Variants in CBR4 observed in about 807,000 individuals in gnomAD.
CBR4 encodes the protein carbonyl reductase 4.
In CBR4, 22 loss-of-function variants were observed where a neutral mutation model predicts 21.0. The observed-to-expected ratio is 1.05, with a 90% CI of 0.75 to 1.50. The LOEUF (loss-of-function observed/expected upper bound fraction) is 1.50, where lower values mean the gene tolerates loss of function less well. Ranked by LOEUF, CBR4 falls within the 40% of genes most tolerant of loss-of-function variation. The probability of loss-of-function intolerance (pLI) is 0.00; values close to 1 mark genes in which losing one functional copy is unlikely to be tolerated. For missense variants in CBR4, 302 were observed against 286.3 expected (o/e 1.05, Z -0.40); for synonymous variants, 100 against 104.4 (o/e 0.96, Z 0.26).
exon 3 of CBR4, chr4:168,894,644 T>C (rs1382397422): frequency 6.2e-7 from 1 of 1,613,838 alleles, no homozygotes; most frequent in Non-Finnish European, 8.5e-7. Context: ...CTGTCTTTAA[T>C]ATTCAGGAGC....
chr4:168,948,979 G>C (rs1453415147), intron 2 of CBR4, among the ~76,000 whole-genome samples: 1 of 152,138 alleles, frequency 6.6e-6, no homozygotes, highest in Non-Finnish European at 1.5e-5. Flanking sequence ...TCACAATATT[G>C]ATTCTACCCT....
At chr4:169,004,863 GTAA>G (rs756440669) in intron 3 of CBR4, among the ~76,000 whole-genome samples, 9 of 152,258 alleles carry the variant, frequency 5.9e-5, no homozygotes, top group South Asian at 2.1e-4. Context: ...TAATGAATAT[GTAA>G]TAATAATTTT....
At chr4:168,905,790 C>CTTTTTTTTTTTT (rs59427697) in intron 2 of CBR4, among the ~76,000 whole-genome samples, 122 of 113,114 alleles carry the variant, frequency 1.1e-3, no homozygotes, top group Middle Eastern at 5.4e-3. Flanking sequence ...GCTTTTTTTT[C>CTTTTTTTTTTTT]TTTTTTTTTT....
intron 2 of CBR4, among the ~76,000 whole-genome samples, chr4:168,938,753 A>G (rs2126673110): frequency 6.6e-6 from 1 of 151,886 alleles, no homozygotes; most frequent in East Asian, 1.9e-4. Context: ...TCCCAAGACT[A>G]AATCAGGAAG....
intron 2 of CBR4, among the ~76,000 whole-genome samples, chr4:168,936,845 A>T (rs541583083): frequency 3.9e-5 from 6 of 152,342 alleles, no homozygotes; most frequent in Non-Finnish European, 8.8e-5. Flanking sequence ...GAATGGAACC[A>T]AGTTGGAAAA....
intron 2 of CBR4, among the ~76,000 whole-genome samples, chr4:168,943,401 T>C (rs533413755): frequency 6.6e-6 from 1 of 152,350 alleles, no homozygotes; most frequent in African/African-American, 2.4e-5. Flanking sequence ...TACAGGGTCC[T>C]TTCCACTGAA....
At chr4:168,960,800 G>A (rs1763827814) in intron 2 of CBR4, among the ~76,000 whole-genome samples, 1 of 152,216 alleles carries the variant, frequency 6.6e-6, no homozygotes, top group African/African-American at 2.4e-5. Flanking sequence ...TATGTTAGAA[G>A]AGAGAGTACC....
At chr4:169,006,977 G>A (rs1037030230) in intron 2 of CBR4, 86 bp from the exon 3 acceptor site, 1 of 1,004,484 alleles carries the variant, frequency 1.0e-6, no homozygotes, top group African/African-American at 1.6e-5. Flanking sequence ...TTTACTGAGA[G>A]TGCAAGAAGT....
chr4:168,981,723 A>T (rs759180803), intron 2 of CBR4, among the ~76,000 whole-genome samples: 11 of 152,238 alleles, frequency 7.2e-5, no homozygotes, highest in Admixed American at 2.0e-4. Context: ...TTTCAGCAGA[A>T]ACACTACAAG....
intron 4 of CBR4, among the ~76,000 whole-genome samples, chr4:168,994,270 C>T (rs1287792294): frequency 1.3e-5 from 2 of 152,212 alleles, no homozygotes; most frequent in African/African-American, 2.4e-5. Flanking sequence ...AGGCACAGAT[C>T]GCTCATGCTA....
chr4:168,926,848 G>T, intron 2 of CBR4: 1 of 221,036 alleles, frequency 4.5e-6, no homozygotes, highest in East Asian at 6.7e-5. Context: ...AGTGCAATAT[G>T]TAAGGATGAA....
At chr4:168,911,706 G>C (rs1287965847) in intron 2 of CBR4, among the ~76,000 whole-genome samples, 1 of 152,146 alleles carries the variant, frequency 6.6e-6, no homozygotes, top group African/African-American at 2.4e-5. Flanking sequence ...CCAAATGTTT[G>C]CCAAGAGTTT....
rs1231261393 is a variant in CBR4 at position 168,988,842 on chromosome 4, T to G, written c.*1308A>C. 3.1e-6 allele frequency: 3 copies of G among 956,358 alleles called. No individual in the cohort carries two copies. Among genetic ancestry groups the G allele is most frequent in the Non-Finnish European group, 3.7e-6 (3 of 803,532 alleles). 59.2% of individuals were successfully genotyped at this position (956,358 alleles called of 1,614,324 possible). ...CTTTGACTTTTGTTATTACTTTGTA[T>G]TTATTAGTATATCCTATTCATAATT... On this transcript the variant is annotated 3_prime_UTR_variant, in exon 5 of 5. Transcript: ENST00000306193.
chr4:168,925,467 A>T, intron 2 of CBR4: 1 of 610,790 alleles, frequency 1.6e-6, no homozygotes. Flanking sequence ...TTCTTCCTAT[A>T]TTCTATCGCA....
At chr4:168,987,158 T>C (rs541343194), downstream of CBR4, among the ~76,000 whole-genome samples, 329 of 152,316 alleles carry the variant, frequency 2.2e-3, no homozygotes, top group Non-Finnish European at 3.9e-3. Context: ...GTATTAACAA[T>C]TACTCAAACT....
chr4:169,000,920 G>C (rs1435196812), intron 4 of CBR4, among the ~76,000 whole-genome samples: 1 of 151,944 alleles, frequency 6.6e-6, no homozygotes, highest in Non-Finnish European at 1.5e-5. Flanking sequence ...AGTAGTAAAA[G>C]GACAAAACTA....
chr4:168,957,476 T>G (rs1371084060), intron 2 of CBR4, among the ~76,000 whole-genome samples: 1 of 152,148 alleles, frequency 6.6e-6, no homozygotes, highest in Admixed American at 6.5e-5. Flanking sequence ...CCCTTTGTTT[T>G]TACCAACTTA....
intron 2 of CBR4, among the ~76,000 whole-genome samples, chr4:168,976,880 A>G (rs1019275933): frequency 1.3e-5 from 2 of 152,358 alleles, no homozygotes; most frequent in Admixed American, 6.5e-5. Context: ...CACTTGCTTC[A>G]GGCCATCTAG....
intron 1 of CBR4, chr4:169,009,002 A>T (rs2126882411): frequency 2.2e-6 from 1 of 454,910 alleles, no homozygotes; most frequent in African/African-American, 2.0e-5. Flanking sequence ...GAAGATCTCT[A>T]GAGCCAGTAA....
Sources: allele counts gnomAD v4.1 joint callset (sites outside exome capture counted in the v4.1 genomes callset), GRCh38; gene constraint gnomAD v4.1.1; transcripts MANE v1.5; gene names NCBI Gene and HGNC (gene_info 2026-07-23, HGNC 2026-07-21).